The following GPHN variants were observed in gnomAD, a reference collection of about 807,000 sequenced individuals.
GPHN encodes the protein gephyrin.
A neutral mutation model predicts 95.5 loss-of-function variants in GPHN; 17 were observed. That is an observed-to-expected ratio of 0.18 (90% CI 0.12 to 0.27). The LOEUF (loss-of-function observed/expected upper bound fraction) is 0.27, where lower values mean the gene tolerates loss of function less well. GPHN is among the 10% of genes least tolerant of loss of function. The probability of loss-of-function intolerance (pLI) is 1.00; values close to 1 mark genes in which losing one functional copy is unlikely to be tolerated. For missense variants in GPHN, 660 were observed against 978.1 expected (o/e 0.67, Z 4.34); for synonymous variants, 320 against 322.5 (o/e 0.99, Z 0.08).
intron 1 of GPHN, among the ~76,000 whole-genome samples, chr14:66,541,824 C>T (rs1304405549): frequency 6.6e-6 from 1 of 152,168 alleles, no homozygotes; most frequent in Non-Finnish European, 1.5e-5. Context: ...TTGGTGCTGT[C>T]AGTACCATGG....
the GPHN span, among the ~76,000 whole-genome samples, chr14:67,524,899 G>A: frequency 6.6e-6 from 1 of 152,146 alleles, no homozygotes; most frequent in Admixed American, 6.5e-5. Context: ...CTTAATGAAG[G>A]GAAAGGAGGC....
chr14:67,639,741 C>T, the GPHN span, among the ~76,000 whole-genome samples: 53 of 151,922 alleles, frequency 3.5e-4, no homozygotes, highest in South Asian at 1.9e-3. Flanking sequence ...GCCAACATGG[C>T]GAAACCCTGT....
chr14:67,661,529 C>CT, the GPHN span, among the ~76,000 whole-genome samples: 15,574 of 110,070 alleles, frequency 0.14, 1,449 homozygotes, highest in East Asian at 0.25. Flanking sequence ...GAACAGTAAC[C>CT]TTTTTTTTTT....
At position 66,632,588 on chromosome 14, in the gene GPHN, G is replaced by C. The variant is rs184757287; in HGVS notation, c.65-48519G>C. 6.4e-4 allele frequency among the ~76,000 whole-genome samples: 97 copies of C among 151,184 alleles called. 7 individuals carry two copies. The East Asian group carries it at 9.3e-3, about 15-fold the overall frequency. On this transcript the variant is annotated intron_variant, in intron 1 of 22. Transcript: ENST00000478722. ...GCTCACTGCAACCTCCTCCTCCCAG[G>C]TTCAAGTGATTCTTCTGCCTCAGCC...
At position 66,942,439 on chromosome 14, in the gene GPHN, C is replaced by G. The variant is rs555614389; in HGVS notation, c.828+18147C>G. On this transcript the variant is annotated intron_variant, in intron 8 of 22. Transcript: ENST00000478722. ...ATTAGAAACCTGCATTTGAGAGCAC[C>G]TGTTAGAGTCCTATAGGTGATTATA... Among the ~76,000 whole-genome samples, 83 of 152,250 alleles carry G rather than the reference C, an allele frequency of 5.5e-4. 3 individuals are homozygous for G. Among genetic ancestry groups the G allele is most frequent in the African/African-American group, 1.9e-3 (81 of 41,542 alleles).
chr14:67,199,371 A>T, the GPHN span: 2 of 1,614,072 alleles, frequency 1.2e-6, no homozygotes, highest in Non-Finnish European at 8.5e-7. Flanking sequence ...AACATTTTCA[A>T]TGGGAACCTG....
chr14:67,147,234 G>A (rs77288093), intron 18 of GPHN, among the ~76,000 whole-genome samples: 10,540 of 152,224 alleles, frequency 0.069, 413 homozygotes, highest in South Asian at 0.1. Flanking sequence ...TACTCAAGAG[G>A]TTATTGTTTG....
chr14:66,610,385 GT>G (rs1420680500), intron 1 of GPHN, among the ~76,000 whole-genome samples: 1 of 152,038 alleles, frequency 6.6e-6, no homozygotes, highest in African/African-American at 2.4e-5. Context: ...CCCCACACAG[GT>G]TTCCCAGTTT....
the GPHN span, among the ~76,000 whole-genome samples, chr14:67,202,489 C>A: frequency 6.6e-6 from 1 of 152,104 alleles, no homozygotes; most frequent in Non-Finnish European, 1.5e-5. Flanking sequence ...TACATTATAT[C>A]TAAAATAAGG....
chr14:67,130,880 A>G (rs1001001145), intron 17 of GPHN, among the ~76,000 whole-genome samples: 2 of 152,182 alleles, frequency 1.3e-5, no homozygotes, highest in African/African-American at 4.8e-5. Flanking sequence ...ATCCCTAAAC[A>G]TATGTTCATA....
chr14:67,733,822 G>A, the GPHN span: 1 of 1,612,988 alleles, frequency 6.2e-7, no homozygotes, highest in Non-Finnish European at 8.5e-7. Context: ...TGTCAGCTGT[G>A]AGCTTCTAGG....
intron 1 of GPHN, among the ~76,000 whole-genome samples, chr14:66,527,309 G>A (rs2058729870): frequency 1.3e-5 from 2 of 151,510 alleles, no homozygotes. Context: ...TGTGGGATCA[G>A]TGGTAATATC....
intron 1 of GPHN, among the ~76,000 whole-genome samples, chr14:66,620,986 A>T (rs1266893890): frequency 6.6e-6 from 1 of 152,188 alleles, no homozygotes; most frequent in East Asian, 1.9e-4. Flanking sequence ...TTTTTGAGAG[A>T]GAGAGTCTAA....
intron 8 of GPHN, among the ~76,000 whole-genome samples, chr14:66,927,136 G>A (rs2066522327): frequency 6.6e-6 from 1 of 152,008 alleles, no homozygotes; most frequent in African/African-American, 2.4e-5. Flanking sequence ...ATCACCTAAG[G>A]TCAAGAGTTC....
chr14:67,205,122 A>G, the GPHN span: 1 of 1,521,712 alleles, frequency 6.6e-7, no homozygotes, highest in Non-Finnish European at 8.8e-7. Flanking sequence ...ATGCTTTAAT[A>G]ATCGAGAACT....
the GPHN span, among the ~76,000 whole-genome samples, chr14:67,702,514 TA>T: frequency 6.6e-6 from 1 of 152,174 alleles, no homozygotes; most frequent in Non-Finnish European, 1.5e-5. Flanking sequence ...CCTGACCCTG[TA>T]AAATATTTAA....
At chr14:67,331,108 A>G in the GPHN span, among the ~76,000 whole-genome samples, 1 of 151,824 alleles carries the variant, frequency 6.6e-6, no homozygotes, top group Admixed American at 6.6e-5. Flanking sequence ...GCAGTGGCAC[A>G]ATCTTGGTTC....
chr14:67,447,265 T>C, the GPHN span: 1 of 152,158 alleles, frequency 6.6e-6, no homozygotes. Flanking sequence ...ACAAGGGCAC[T>C]AATCTCATTC....
chr14:67,725,063 T>C, the GPHN span: 1 of 1,612,686 alleles, frequency 6.2e-7, no homozygotes, highest in African/African-American at 1.3e-5. Context: ...TAGCCTAGGA[T>C]ATGAACATAC....
Sources: allele counts gnomAD v4.1 joint callset (sites outside exome capture counted in the v4.1 genomes callset), GRCh38; gene constraint gnomAD v4.1.1; transcripts MANE v1.5; gene names NCBI Gene and HGNC (gene_info 2026-07-23, HGNC 2026-07-21).